Variants in AFF3 observed in about 807,000 individuals in gnomAD.
The protein encoded by AFF3 is AF4/FMR2 family member 3.
Under a neutral mutation model 129.7 loss-of-function variants are expected in AFF3, and 32 were observed. The observed-to-expected ratio is 0.25, with a 90% CI of 0.19 to 0.33. The LOEUF (loss-of-function observed/expected upper bound fraction) is 0.33. AFF3 is among the 10% of genes least tolerant of loss of function. The probability of loss-of-function intolerance (pLI) is 1.00; values close to 1 mark genes in which losing one functional copy is unlikely to be tolerated. For synonymous variants in AFF3, 644 were observed against 635.4 expected (o/e 1.01, Z -0.20); for missense variants, 1,373 against 1,592.0 (o/e 0.86, Z 2.34).
chr2:99,945,799 C>T (rs1168055729), intron 7 of AFF3, among the ~76,000 whole-genome samples: 1 of 152,136 alleles, frequency 6.6e-6, no homozygotes, highest in Non-Finnish European at 1.5e-5. Flanking sequence ...GTAAGCCATG[C>T]TTATGGAAGA....
At chr2:100,119,056 C>T (rs1691845875) in intron 2 of AFF3, among the ~76,000 whole-genome samples, 2 of 152,208 alleles carry the variant, frequency 1.3e-5, no homozygotes, top group African/African-American at 4.8e-5. Flanking sequence ...CACACCTCGG[C>T]CCCCCGAAGT....
chr2:99,649,397 G>C (rs780684861), intron 13 of AFF3, among the ~76,000 whole-genome samples: 2 of 152,106 alleles, frequency 1.3e-5, no homozygotes, highest in Non-Finnish European at 2.9e-5. Context: ...CTTGTCTCTT[G>C]TTTCATTGCA....
At chr2:99,855,306 T>C (rs1463147393) in intron 7 of AFF3, among the ~76,000 whole-genome samples, 1 of 152,178 alleles carries the variant, frequency 6.6e-6, no homozygotes, top group Non-Finnish European at 1.5e-5. Context: ...TAGCAAATGG[T>C]ATGATGTGTG....
At chr2:100,052,816 C>T (rs1345483018) in intron 4 of AFF3, among the ~76,000 whole-genome samples, 1 of 152,258 alleles carries the variant, frequency 6.6e-6, no homozygotes, top group Non-Finnish European at 1.5e-5. Flanking sequence ...GGACAGGGCG[C>T]TGCACCTGCT....
intron 1 of AFF3, among the ~76,000 whole-genome samples, chr2:100,138,907 T>C (rs1449951088): frequency 7.1e-6 from 1 of 141,034 alleles, no homozygotes; most frequent in Non-Finnish European, 1.5e-5. Flanking sequence ...ATCATGGCAC[T>C]GCTCTCCAGC....
At chr2:99,951,326 G>A (rs1280754676) in intron 7 of AFF3, among the ~76,000 whole-genome samples, 1 of 151,952 alleles carries the variant, frequency 6.6e-6, no homozygotes, top group African/African-American at 2.4e-5. Context: ...TCATCCACTC[G>A]ATTTTCTCTT....
chr2:99,595,479 G>T (rs191045072), intron 14 of AFF3, among the ~76,000 whole-genome samples: 1 of 152,184 alleles, frequency 6.6e-6, no homozygotes, highest in East Asian at 1.9e-4. Context: ...CTTCAAGCTT[G>T]ATCAGTTCAA....
intron 7 of AFF3, among the ~76,000 whole-genome samples, chr2:99,954,138 A>G (rs552160127): frequency 6.6e-6 from 1 of 152,332 alleles, no homozygotes; most frequent in South Asian, 2.1e-4. Flanking sequence ...TCAAAGAATA[A>G]GTACTACCAA....
At chr2:99,816,757 G>A (rs1687268020) in intron 8 of AFF3, among the ~76,000 whole-genome samples, 1 of 152,118 alleles carries the variant, frequency 6.6e-6, no homozygotes, top group Non-Finnish European at 1.5e-5. Context: ...TCTTGGTGGT[G>A]TGTCCTTCAC....
At chr2:99,812,841 G>C (rs1445586962) in intron 8 of AFF3, among the ~76,000 whole-genome samples, 1 of 152,036 alleles carries the variant, frequency 6.6e-6, no homozygotes, top group African/African-American at 2.4e-5. Flanking sequence ...TGTGATGACT[G>C]ATTTTCTAAA....
chr2:99,694,348 G>C (rs562574049), intron 11 of AFF3, among the ~76,000 whole-genome samples: 161 of 152,272 alleles, frequency 1.1e-3, no homozygotes, highest in African/African-American at 3.7e-3. Context: ...GACAACAGGT[G>C]TAAAGACAGG....
chr2:100,002,019 C>T (rs139740928), intron 7 of AFF3, among the ~76,000 whole-genome samples: 6 of 152,302 alleles, frequency 3.9e-5, no homozygotes, highest in South Asian at 4.1e-4. Context: ...TCCTGAGGGA[C>T]GTGGCCTCCG....
chr2:99,843,130 C>T (rs1689445694), intron 7 of AFF3, among the ~76,000 whole-genome samples: 1 of 152,202 alleles, frequency 6.6e-6, no homozygotes, highest in Admixed American at 6.5e-5. Flanking sequence ...GTTAGGTATG[C>T]TGTCAATACC....
At chr2:99,795,689 T>C (rs1685513765) in intron 8 of AFF3, among the ~76,000 whole-genome samples, 1 of 151,818 alleles carries the variant, frequency 6.6e-6, no homozygotes, top group Non-Finnish European at 1.5e-5. Context: ...TTCATTCCTT[T>C]AGCTTGAATG....
intron 11 of AFF3, among the ~76,000 whole-genome samples, chr2:99,709,374 A>G (rs1243903200): frequency 6.6e-6 from 1 of 152,178 alleles, no homozygotes; most frequent in Non-Finnish European, 1.5e-5. Context: ...CCGTAAGAGT[A>G]TGAGACAAGC....
intron 4 of AFF3, among the ~76,000 whole-genome samples, chr2:100,071,103 A>G (rs967046312): frequency 3.3e-5 from 5 of 152,166 alleles, no homozygotes; most frequent in Admixed American, 1.3e-4. Context: ...AAATTACTCT[A>G]CATTTCAGAA....
chr2:99,669,461 C>CA (rs34043045), intron 12 of AFF3, among the ~76,000 whole-genome samples: 86,829 of 151,948 alleles, frequency 0.57, 25,403 homozygotes, highest in African/African-American at 0.7. Flanking sequence ...AAGCAAGACA[C>CA]AAAGAGTACA....
intron 8 of AFF3, among the ~76,000 whole-genome samples, chr2:99,804,114 G>A (rs144651931): frequency 1.3e-5 from 2 of 152,172 alleles, no homozygotes; most frequent in African/African-American, 4.8e-5. Flanking sequence ...AGAAGCTTCT[G>A]CATAGCAAAA....
At chr2:100,099,852 T>C (rs1429141778) in intron 4 of AFF3, among the ~76,000 whole-genome samples, 3 of 152,078 alleles carry the variant, frequency 2.0e-5, no homozygotes, top group East Asian at 1.9e-4. Context: ...TCACACATAG[T>C]AATAAGCGTT....
Sources: gnomAD v4.1 joint callset for allele counts (sites outside exome capture counted in the v4.1 genomes callset) on GRCh38, gnomAD v4.1.1 for gene constraint, MANE v1.5 for transcripts, NCBI Gene and HGNC (gene_info 2026-07-23, HGNC 2026-07-21) for gene names.